The following MACO1 variants were observed in gnomAD, a reference collection of about 807,000 sequenced individuals.
MACO1 encodes the protein macoilin 1, also known as macoilin.
A neutral mutation model predicts 78.7 loss-of-function variants in MACO1; 14 were observed. The ratio of observed to expected loss-of-function variants is 0.18; its 90% confidence interval spans 0.12 to 0.28. MACO1 has a LOEUF of 0.28. Ranked by LOEUF, MACO1 falls within the 10% of genes least tolerant of loss-of-function variation. MACO1 has a pLI of 1.00. For synonymous variants in MACO1, 288 were observed against 291.6 expected, an observed-to-expected ratio of 0.99 and a Z score of 0.12; for missense variants, 501 against 799.0, an observed-to-expected ratio of 0.63 and a Z score of 4.50.
At chr1:25,493,982 C>A (rs893228387) in intron 10 of MACO1, among the ~76,000 whole-genome samples, 34 of 152,212 alleles carry the variant, frequency 2.2e-4, no homozygotes, top group Admixed American at 5.2e-4. Flanking sequence ...CCACCCGCCT[C>A]GGCCTCCCAA....
intron 1 of MACO1, among the ~76,000 whole-genome samples, chr1:25,443,940 T>C (rs1320270530): frequency 3.4e-5 from 2 of 59,210 alleles, no homozygotes; most frequent in Non-Finnish European, 9.4e-5. Flanking sequence ...TCCATGCCCT[T>C]TTTTTTTTTT....
rs2043573707 is a variant in MACO1, at chr1:25,500,137, A to G, written c.*1671A>G. ...TGCCTTTTGGGACACTTCGTTAAAT[A>G]CTGGTCTTGGCTGCATTCTTTTTTT... On this transcript the variant is annotated 3_prime_UTR_variant, in exon 11 of 11. Coordinates refer to ENST00000374343, the MANE Select transcript of MACO1 (RefSeq NM_018202.6). The G allele has an allele frequency of 6.7e-6, 1 of 150,356 alleles. No individual in the cohort carries two copies. The highest frequency in any genetic ancestry group is 2.4e-5 in the African/African-American group (1 of 40,966). 9.3% of individuals were successfully genotyped at this position (150,356 alleles called of 1,614,324 possible).
rs1466287902 is a variant in MACO1 at position 25,431,528 on chromosome 1, C to T, written c.80+350C>T. 7.2e-5 allele frequency among the ~76,000 whole-genome samples: 11 copies of T among 152,036 alleles called. No individual in the cohort carries two copies. In the South Asian group the frequency reaches 2.1e-3, roughly 29 times the overall value. ...CCATGCCGCTGGGCCGGGAGGGCCG[C>T]TTCCGGGACCTCTGACTGGCCGCCG... On this transcript the variant is annotated intron_variant, in intron 1 of 10. Transcript: ENST00000374343.
intron 1 of MACO1, among the ~76,000 whole-genome samples, chr1:25,433,114 C>T (rs2042889883): frequency 1.3e-5 from 2 of 152,180 alleles, no homozygotes; most frequent in Admixed American, 6.5e-5. Context: ...TTATGCTTCT[C>T]TGTTTTGCAT....
chr1:25,482,065 G>A (rs2043383944), intron 6 of MACO1, among the ~76,000 whole-genome samples: 1 of 152,134 alleles, frequency 6.6e-6, no homozygotes, highest in African/African-American at 2.4e-5. Context: ...AATAAAACAT[G>A]TCTCTAAGAC....
chr1:25,485,345 T>C lies in MACO1; in HGVS notation c.1314-268T>C, dbSNP rs2043420090. Among the ~76,000 whole-genome samples the C allele has an allele frequency of 6.6e-6, 1 of 152,222 alleles. No homozygotes were observed. The highest frequency in any genetic ancestry group is 2.1e-4 in the South Asian group (1 of 4,834). ...GTTCAAAATTTGTTTTACCCTGTTT[T>C]CTGGATGACCTTTTGTAGATCACTT... On this transcript the variant is annotated intron_variant, in intron 7 of 10. Coordinates refer to ENST00000374343, the MANE Select transcript of MACO1 (RefSeq NM_018202.6). The surrounding 1 kb of genome is among the most constrained non-coding windows in gnomAD (Gnocchi z 4.3).
At chr1:25,493,557 T>C (rs1380559233) in intron 10 of MACO1, among the ~76,000 whole-genome samples, 1 of 152,030 alleles carries the variant, frequency 6.6e-6, no homozygotes, top group Non-Finnish European at 1.5e-5. Context: ...GCCAAATTAA[T>C]TTATTATTCA....
chr1:25,454,235 T>C, intron 3 of MACO1, 24 bp from the exon 4 acceptor site: 1 of 1,555,198 alleles, frequency 6.4e-7, no homozygotes, highest in Admixed American at 1.9e-5. Flanking sequence ...TATTAATGCT[T>C]GCCTCTCTGC....
intron 8 of MACO1, among the ~76,000 whole-genome samples, chr1:25,487,711 C>G (rs1200938239): frequency 6.6e-6 from 1 of 152,156 alleles, no homozygotes; most frequent in Non-Finnish European, 1.5e-5. Flanking sequence ...AGTCCCAATG[C>G]GTAGCCCCTC....
chr1:25,456,327 C>T (rs1030860970), intron 4 of MACO1, among the ~76,000 whole-genome samples: 1 of 151,544 alleles, frequency 6.6e-6, no homozygotes. Flanking sequence ...TTCAATATTT[C>T]TTCAAAGGCA....
intron 3 of MACO1, among the ~76,000 whole-genome samples, chr1:25,450,421 A>T (rs1048984915): frequency 6.6e-6 from 1 of 152,136 alleles, no homozygotes; most frequent in African/African-American, 2.4e-5. Context: ...AGAGCTTGGT[A>T]TGCACTAGGA....
chr1:25,454,198 A>G (rs1415426284), intron 3 of MACO1, 61 bp from the exon 4 acceptor site: 38 of 1,424,928 alleles, frequency 2.7e-5, no homozygotes, highest in Non-Finnish European at 3.2e-5. Flanking sequence ...TCTCCCAAAC[A>G]ATCCATCTGT....
intron 6 of MACO1, among the ~76,000 whole-genome samples, chr1:25,472,751 C>T (rs1473237582): frequency 6.6e-6 from 1 of 152,230 alleles, no homozygotes; most frequent in Non-Finnish European, 1.5e-5. Flanking sequence ...GGCTACACAA[C>T]AGGGTGCTGA....
At chr1:25,445,377 T>C (rs2043006821) in intron 1 of MACO1, among the ~76,000 whole-genome samples, 1 of 151,978 alleles carries the variant, frequency 6.6e-6, no homozygotes, top group African/African-American at 2.4e-5. Context: ...TAGAAACTTA[T>C]TATCAAACCT....
chr1:25,437,212 G>A (rs926627453), intron 1 of MACO1, among the ~76,000 whole-genome samples: 2 of 143,770 alleles, frequency 1.4e-5, no homozygotes, highest in Non-Finnish European at 3.0e-5. Context: ...ACAGCTCACT[G>A]TATCCTTCAT....
intron 6 of MACO1, among the ~76,000 whole-genome samples, chr1:25,471,514 C>T (rs979099912): frequency 1.3e-5 from 2 of 152,038 alleles, no homozygotes; most frequent in Non-Finnish European, 2.9e-5. Context: ...CTTATTATAC[C>T]ATAATAGAAT....
intron 4 of MACO1, among the ~76,000 whole-genome samples, chr1:25,455,861 AC>A (rs2043114735): frequency 6.6e-6 from 1 of 152,046 alleles, no homozygotes; most frequent in African/African-American, 2.4e-5. Context: ...CCTGAATTTG[AC>A]CCTGCCTTCT....
intron 6 of MACO1, among the ~76,000 whole-genome samples, chr1:25,467,695 A>G (rs1299349196): frequency 6.6e-6 from 1 of 151,188 alleles, no homozygotes; most frequent in South Asian, 2.1e-4. Context: ...TTGGTAGAGT[A>G]CCATTTAATA....
intron 6 of MACO1, among the ~76,000 whole-genome samples, chr1:25,481,624 G>A (rs1302657083): frequency 1.3e-5 from 2 of 152,230 alleles, no homozygotes; most frequent in Admixed American, 6.5e-5. Flanking sequence ...AGGATAGCCT[G>A]ACAGCATTGA....
Sources: gnomAD v4.1 joint callset for allele counts (sites outside exome capture counted in the v4.1 genomes callset) on GRCh38, gnomAD v4.1.1 for gene constraint, Gnocchi (gnomAD v3.1) non-coding constraint, MANE v1.5 for transcripts, NCBI Gene and HGNC (gene_info 2026-07-23, HGNC 2026-07-21) for gene names.